Variants in ITPR2 observed in about 807,000 individuals in gnomAD.
ITPR2 encodes inositol 1,4,5-trisphosphate-gated calcium channel ITPR2.
Under a neutral mutation model 317.1 loss-of-function variants are expected in ITPR2, and 207 were observed. The observed-to-expected ratio is 0.65, with a 90% confidence interval of 0.58 to 0.73. The LOEUF is 0.73. ITPR2 is among the 30% of genes least tolerant of loss of function. The probability of loss-of-function intolerance (pLI) is 0.00; values close to 1 mark genes in which losing one functional copy is unlikely to be tolerated. For missense variants in ITPR2, 2,613 were observed against 3,284.0 expected, an observed-to-expected ratio of 0.80 and a Z score of 4.99; for synonymous variants, 1,156 against 1,149.1, an observed-to-expected ratio of 1.01 and a Z score of -0.12.
intron 32 of ITPR2, among the ~76,000 whole-genome samples, chr12:26,593,180 G>A (rs1255186571): frequency 6.6e-6 from 1 of 152,188 alleles, no homozygotes; most frequent in African/African-American, 2.4e-5. Context: ...TTCTCAAAGT[G>A]TGGTCCCTGG....
intron 13 of ITPR2, among the ~76,000 whole-genome samples, chr12:26,678,428 G>GAGAGA (rs1555175922): frequency 1.3e-5 from 2 of 148,494 alleles, no homozygotes; most frequent in Admixed American, 1.3e-4. Flanking sequence ...GAGAGAGAGA[G>GAGAGA]AAAAAAAAAA....
intron 26 of ITPR2, among the ~76,000 whole-genome samples, chr12:26,616,426 C>T (rs904688248): frequency 3.9e-4 from 59 of 151,950 alleles, no homozygotes; most frequent in African/African-American, 1.3e-3. Context: ...CATGAGCCAC[C>T]GTGCCCGGCC....
chr12:26,540,174 C>T (rs1944219000), intron 37 of ITPR2, among the ~76,000 whole-genome samples: 2 of 152,156 alleles, frequency 1.3e-5, no homozygotes, highest in African/African-American at 2.4e-5. Context: ...TCAGCCCTAT[C>T]CCCAAGGAGT....
At chr12:26,437,958 C>G (rs908580038) in intron 47 of ITPR2, among the ~76,000 whole-genome samples, 1 of 151,982 alleles carries the variant, frequency 6.6e-6, no homozygotes, top group Non-Finnish European at 1.5e-5. Context: ...CCTGCCACCA[C>G]GCCCGGCTAA....
At chr12:26,638,630 G>A (rs1053450259) in intron 21 of ITPR2, among the ~76,000 whole-genome samples, 5 of 152,104 alleles carry the variant, frequency 3.3e-5, no homozygotes, top group Non-Finnish European at 5.9e-5. Flanking sequence ...AGCACAGAAG[G>A]GCCTTTAGTT....
chr12:26,458,365 G>T (rs938411031), intron 45 of ITPR2, among the ~76,000 whole-genome samples: 2 of 152,088 alleles, frequency 1.3e-5, no homozygotes, highest in African/African-American at 4.8e-5. Flanking sequence ...TTAAGGAGAG[G>T]CTGCTGACGA....
intron 2 of ITPR2, among the ~76,000 whole-genome samples, chr12:26,733,183 G>A (rs1301226624): frequency 2.6e-5 from 4 of 151,768 alleles, no homozygotes; most frequent in Non-Finnish European, 4.4e-5. Flanking sequence ...GCGCAGTGGC[G>A]TGTGCCTGTA....
chr12:26,607,081 G>A (rs999501802), intron 26 of ITPR2, among the ~76,000 whole-genome samples: 3 of 152,210 alleles, frequency 2.0e-5, no homozygotes, highest in African/African-American at 7.2e-5. Flanking sequence ...ATAACTTGGT[G>A]CATGCCTTCT....
rs35432304 is a variant in ITPR2 at position 26,795,999 on chromosome 12, AGG to A, written c.93-5774_93-5773del. Among the ~76,000 whole-genome samples, 527 of 96,558 alleles carry A rather than the reference AGG, an allele frequency of 5.5e-3. 3 individuals are homozygous for A. Among genetic ancestry groups the A allele is most frequent in the African/African-American group, 0.017 (501 of 30,350 alleles). 63.3% of individuals were successfully genotyped at this position (96,558 alleles called of 152,430 possible). On this transcript the variant is annotated intron_variant, in intron 1 of 56. Coordinates refer to ENST00000381340, the MANE Select transcript of ITPR2 (RefSeq NM_002223.4). ...ACTCTGTTTCCAAAAACAAAAAAAA[AGG>A]GGGGGGGGGCAACACACAAAATCAG...
At chr12:26,717,240 T>C (rs189481091) in intron 5 of ITPR2, among the ~76,000 whole-genome samples, 150 of 152,306 alleles carry the variant, frequency 9.8e-4, no homozygotes, top group African/African-American at 3.5e-3. Flanking sequence ...CAAATCAGGA[T>C]TCAGTCGATA....
chr12:26,593,048 G>C (rs1258199351), intron 32 of ITPR2, among the ~76,000 whole-genome samples: 1 of 152,158 alleles, frequency 6.6e-6, no homozygotes, highest in African/African-American at 2.4e-5. Context: ...GCCCAGAGGG[G>C]TTAAGTACTT....
chr12:26,618,484 C>T (rs779816748), intron 26 of ITPR2, among the ~76,000 whole-genome samples: 51 of 152,200 alleles, frequency 3.4e-4, no homozygotes, highest in East Asian at 1.9e-4. Context: ...AAAATCACAG[C>T]GGAGATAATA....
intron 39 of ITPR2, among the ~76,000 whole-genome samples, chr12:26,487,643 A>T (rs1223500006): frequency 6.6e-6 from 1 of 152,222 alleles, no homozygotes; most frequent in Non-Finnish European, 1.5e-5. Context: ...CTCTGTTAAT[A>T]GGGATAGAAC....
At chr12:26,513,675 G>T (rs1943415373) in intron 37 of ITPR2, among the ~76,000 whole-genome samples, 1 of 151,848 alleles carries the variant, frequency 6.6e-6, no homozygotes. Context: ...AGCACTCCCT[G>T]TTTCCAGCAC....
At chr12:26,555,832 C>T (rs569839468) in intron 36 of ITPR2, among the ~76,000 whole-genome samples, 3 of 152,324 alleles carry the variant, frequency 2.0e-5, no homozygotes, top group African/African-American at 7.2e-5. Context: ...AATAGTTAAA[C>T]ACATATGACA....
chr12:26,436,030 T>C (rs974391237), intron 48 of ITPR2, among the ~76,000 whole-genome samples, 191 bp downstream of exon 48: 2 of 152,216 alleles, frequency 1.3e-5, no homozygotes, highest in Non-Finnish European at 2.9e-5. Flanking sequence ...CAATTGTGTA[T>C]ATGAGCTTTT....
At chr12:26,622,132 G>A in intron 25 of ITPR2, 108 bp downstream of exon 25, 7 of 947,202 alleles carry the variant, frequency 7.4e-6, no homozygotes, top group Non-Finnish European at 3.0e-6. Flanking sequence ...AGTGTCTCCA[G>A]GAAAAGCCAC....
At chr12:26,507,989 A>G (rs886701088) in intron 37 of ITPR2, among the ~76,000 whole-genome samples, 1 of 152,054 alleles carries the variant, frequency 6.6e-6, no homozygotes, top group African/African-American at 2.4e-5. Flanking sequence ...TCTTTGAAGT[A>G]TGAAGATTCT....
rs180971969 is a variant in ITPR2, at chr12:26,813,983, A to G, written c.92+18707T>C. Among the ~76,000 whole-genome samples, 1,126 of 152,298 alleles carry G rather than the reference A, an allele frequency of 7.4e-3. 20 individuals are homozygous for G. Among genetic ancestry groups the G allele is most frequent in the African/African-American group, 0.026 (1,084 of 41,566 alleles). The stretch of plus-strand genomic sequence containing the variant: ...CCTTCCTCTGGCAACAGAGCCCTAC[A>G]TGAAGAATGGAGAACTGCTCTTCTC... On this transcript the variant is annotated intron_variant, in intron 1 of 56. Transcript: ENST00000381340.
Sources: allele counts gnomAD v4.1 joint callset (sites outside exome capture counted in the v4.1 genomes callset), GRCh38; gene constraint gnomAD v4.1.1; transcripts MANE v1.5; gene names NCBI Gene and HGNC (gene_info 2026-07-23, HGNC 2026-07-21).